Variants in SMARCA1 observed in about 807,000 individuals in gnomAD.
SMARCA1 encodes the protein SWI/SNF-related matrix-associated actin-dependent regulator of chromatin subfamily A member 1.
A neutral mutation model predicts 93.6 loss-of-function variants in SMARCA1; 17 were observed. The ratio of observed to expected loss-of-function variants is 0.18; its 90% CI spans 0.12 to 0.27. SMARCA1 has a LOEUF of 0.27. Among genes scored for constraint, SMARCA1 ranks in the 10% least tolerant of loss-of-function variants. The pLI is 1.00. For synonymous variants in SMARCA1, 271 were observed against 271.4 expected, an observed-to-expected ratio of 1.00 and a Z score of 0.01; for missense variants, 630 against 819.0, an observed-to-expected ratio of 0.77 and a Z score of 2.82.
In SMARCA1 at chrX:129,490,065, T is replaced by C; in HGVS notation, c.1943A>G (p.Gln648Arg). The change falls in exon 15 of 25, where the codon CAA becomes CGA. Residue 648 changes from glutamine (Q) to arginine (R), a missense_variant. Coordinates refer to ENST00000371121, the MANE Select transcript of SMARCA1 (RefSeq NM_001282874.2). ...AAGTTTCTATGTATAAATACCTTGT[T>C]GTATAACAATTGAATCGAGTCTCAG... ...IKLRLDSIVI[Q>R]QGRLIDQQSN... is the part of the protein sequence containing the mutation. The C allele has an allele frequency of 4.2e-6, 5 of 1,180,662 alleles. No homozygotes were observed. The highest frequency in any genetic ancestry group is 4.6e-6 in the Non-Finnish European group (4 of 870,509).
intron 23 of SMARCA1, among the ~76,000 whole-genome samples, chrX:129,464,501 T>C (rs1932861190): frequency 8.9e-6 from 1 of 112,452 alleles, no homozygotes; most frequent in African/African-American, 3.2e-5. Context: ...AAAATCATCA[T>C]GAACACCACT....
At chrX:129,473,403 A>G (rs1367654934) in intron 19 of SMARCA1, among the ~76,000 whole-genome samples, 1 of 112,191 alleles carries the variant, frequency 8.9e-6, no homozygotes, top group Non-Finnish European at 1.9e-5. Flanking sequence ...ACTTCTCTTC[A>G]GTAGCTAAAC....
intron 9 of SMARCA1, among the ~76,000 whole-genome samples, chrX:129,502,429 A>AAG (rs200789686): frequency 0.12 from 13,697 of 111,264 alleles, 756 homozygotes; most frequent in East Asian, 0.32. Flanking sequence ...CCAAGCAGCA[A>AAG]AGTTTCCAGC....
At position 129,523,098 on chromosome X, in the gene SMARCA1, C is replaced by T. The variant is rs759105436; in HGVS notation, c.174+99G>A. The T allele has an allele frequency of 6.3e-4, 615 of 983,055 alleles. 8 individuals are homozygous for T. In the East Asian group the frequency reaches 0.019, roughly 30 times the overall value. The allele number at this position is 983,055 out of a possible 1,213,427, so 81.0% of individuals were successfully genotyped here. A position where few individuals can be genotyped will look rare whatever the true frequency, so the allele number is the denominator to read the frequency against. On this transcript the variant is annotated intron_variant, in intron 1 of 24. Coordinates refer to ENST00000371121, the MANE Select transcript of SMARCA1 (RefSeq NM_001282874.2). The stretch of plus-strand genomic sequence containing the variant: ...CCGCCGCCCCTAGCCCCGCAAAGCT[C>T]CGCGGGTACCTGTCGGCGCCGAAAG...
intron 11 of SMARCA1, 48 bp from the exon 12 acceptor site, chrX:129,496,919 C>T (rs1934350474): frequency 8.8e-7 from 1 of 1,132,279 alleles, no homozygotes; most frequent in East Asian, 3.0e-5. Flanking sequence ...TTGTGTGAAA[C>T]TAACTTAAAA....
In SMARCA1 at chrX:129,489,060, G is replaced by A; in HGVS notation, c.1974C>T (p.Asn658=). The change falls in exon 16 of 25, where the codon AAC becomes AAT. Residue 658 remains asparagine, a synonymous_variant. Transcript: ENST00000371121. ...QQGRLIDQQS[N]KLAKEEMLQM... is the part of the protein sequence containing the mutation. ...GTAACATTTCCTCTTTTGCCAGCTT[G>A]TTAGACTGTTGGTCAATGAGTCTTC... 1 of 1,188,646 alleles carries A rather than the reference G, an allele frequency of 8.4e-7. No individual in the cohort carries two copies. The highest frequency in any genetic ancestry group is 1.8e-5 in the South Asian group (1 of 55,715).
chrX:129,491,879 G>C, intron 14 of SMARCA1, 62 bp downstream of exon 14: 4 of 796,919 alleles, frequency 5.0e-6, no homozygotes, highest in African/African-American at 2.0e-5. Context: ...ACCTTTATGT[G>C]TGTAAATAGC....
At position 129,489,090 on chromosome X, in the gene SMARCA1, T is replaced by C. The variant is rs1301261646; in HGVS notation, c.1949-5A>G. 8.8e-7 allele frequency: 1 copy of C among 1,141,001 alleles called. No homozygotes were observed. Among genetic ancestry groups the C allele is most frequent in the Non-Finnish European group, 1.2e-6 (1 of 836,128 alleles). The allele number at this position is 1,141,001 out of a possible 1,213,427, so 94.0% of individuals were successfully genotyped here. On this transcript the variant is annotated splice_region_variant and splice_polypyrimidine_tract_variant and intron_variant, in intron 15 of 24. Transcript: ENST00000371121. ...ACTGTTGGTCAATGAGTCTTCCTAA[T>C]GATAAAAATTGAAATTGTACATATT...
chrX:129,502,118 T>C (rs2124306855), intron 9 of SMARCA1, among the ~76,000 whole-genome samples: 1 of 111,360 alleles, frequency 9.0e-6, no homozygotes, highest in African/African-American at 3.3e-5. Flanking sequence ...AAGATATCCT[T>C]AAGAGTTTAA....
intron 23 of SMARCA1, among the ~76,000 whole-genome samples, chrX:129,450,956 T>C (rs1932261454): frequency 9.0e-6 from 1 of 111,044 alleles, no homozygotes; most frequent in East Asian, 2.8e-4. Flanking sequence ...AGATCAACTA[T>C]CCAGGCAAAT....
At chrX:129,497,064 T>A (rs1460532981) in intron 11 of SMARCA1, among the ~76,000 whole-genome samples, 193 bp from the exon 12 acceptor site, 1 of 110,833 alleles carries the variant, frequency 9.0e-6, no homozygotes, top group Non-Finnish European at 1.9e-5. Flanking sequence ...GAATTATGCA[T>A]TTGTTGAGTT....
intron 24 of SMARCA1, 161 bp from the exon 25 acceptor site, chrX:129,447,394 A>G (rs1301682074): frequency 2.3e-6 from 1 of 433,875 alleles, no homozygotes. Flanking sequence ...CCAACAAACT[A>G]TATAACCCAA....
intron 19 of SMARCA1, among the ~76,000 whole-genome samples, chrX:129,475,785 T>C (rs1602673027): frequency 1.8e-5 from 2 of 112,168 alleles, no homozygotes; most frequent in East Asian, 2.8e-4. Context: ...TTAGCAAGCA[T>C]TGCATAGGAA....
chrX:129,516,319 G>A lies in SMARCA1; in HGVS notation c.428+12C>T, dbSNP rs1177772247. 1 of 1,200,419 alleles carries A rather than the reference G, an allele frequency of 8.3e-7. No individual in the cohort carries two copies. Among genetic ancestry groups the A allele is most frequent in the Admixed American group, 2.2e-5 (1 of 45,349 alleles). On this transcript the variant is annotated intron_variant, in intron 3 of 24. Transcript: ENST00000371121. The stretch of plus-strand genomic sequence containing the variant: ...GAAAGGAAAGAAAGTAGAGAGAGAG[G>A]TGCCAACATACTCTCCAGCAGAAAT...
chrX:129,493,272 C>A (rs1317449782), intron 12 of SMARCA1, among the ~76,000 whole-genome samples, 197 bp from the exon 13 acceptor site: 1 of 111,173 alleles, frequency 9.0e-6, no homozygotes, highest in African/African-American at 3.3e-5. Context: ...TTAAAAAGTA[C>A]AATATAATAT....
intron 11 of SMARCA1, 112 bp downstream of exon 11, chrX:129,497,733 G>A: frequency 2.0e-6 from 1 of 496,964 alleles, no homozygotes; most frequent in Non-Finnish European, 3.5e-6. Flanking sequence ...CAAATGGTAA[G>A]TACTCAACAA....
chrX:129,513,395 G>A (rs1462788658), intron 5 of SMARCA1, among the ~76,000 whole-genome samples: 1 of 107,563 alleles, frequency 9.3e-6, no homozygotes, highest in Non-Finnish European at 1.9e-5. Context: ...GTGGTGGTGG[G>A]CGCCTGTAAT....
intron 21 of SMARCA1, among the ~76,000 whole-genome samples, chrX:129,468,463 G>A (rs1193094268): frequency 8.9e-6 from 1 of 111,760 alleles, no homozygotes; most frequent in Non-Finnish European, 1.9e-5. Context: ...TGAACCAGAA[G>A]ACCAAATTCC....
At chrX:129,511,599 G>C (rs1455808112) in intron 6 of SMARCA1, among the ~76,000 whole-genome samples, 1 of 111,504 alleles carries the variant, frequency 9.0e-6, no homozygotes, top group Non-Finnish European at 1.9e-5. Flanking sequence ...ATTATTAATA[G>C]GTGATATATC....
Sources: allele counts gnomAD v4.1 joint callset (sites outside exome capture counted in the v4.1 genomes callset), GRCh38; gene constraint gnomAD v4.1.1; transcripts MANE v1.5; gene names NCBI Gene and HGNC (gene_info 2026-07-23, HGNC 2026-07-21).